DDX46: variants seen among roughly 807,000 people sequenced by gnomAD.
The protein encoded by DDX46 is DEAD-box helicase 46, also known as probable ATP-dependent RNA helicase DDX46.
DDX46 carries 30 observed loss-of-function variants against 134.9 expected under a neutral mutation model. That is an observed-to-expected ratio of 0.22 (90% CI 0.17 to 0.30). The LOEUF is 0.30. Among genes scored for constraint, DDX46 ranks in the 10% least tolerant of loss-of-function variants. The pLI, the probability that DDX46 is intolerant of heterozygous loss-of-function variation, is 1.00. For synonymous variants in DDX46, 415 were observed against 404.1 expected, an observed-to-expected ratio of 1.03 and a Z score of -0.32; for missense variants, 622 against 1,248.7, an observed-to-expected ratio of 0.50 and a Z score of 7.56.
At chr5:134,796,301 T>G (rs1754651460) in intron 15 of DDX46, 151 bp downstream of exon 15, 11 of 822,974 alleles carry the variant, frequency 1.3e-5, no homozygotes, top group Non-Finnish European at 2.0e-5. Context: ...GGAGTAAGAT[T>G]ATTATTGTCT....
At position 134,830,185 on chromosome 5, in the gene DDX46, GAA is replaced by G. The variant is rs1167572030; in HGVS notation, c.*1485_*1486del. The stretch of plus-strand genomic sequence containing the variant: ...TCAAAAATAGAAAAAAAAAAAAAAA[GAA>G]AAAAAGAATGTAAAATTTTAAAAAT... On this transcript the variant is annotated 3_prime_UTR_variant, in exon 23 of 23. Transcript: ENST00000452510. 1 of 138,392 alleles carries G rather than the reference GAA, an allele frequency of 7.2e-6. No individual in the cohort carries two copies. Among genetic ancestry groups the G allele is most frequent in the Non-Finnish European group, 1.6e-5 (1 of 63,128 alleles). The allele number at this position is 138,392 out of a possible 1,614,324, so 8.6% of individuals were successfully genotyped here.
At chr5:134,782,412 C>T (rs542167905) in intron 8 of DDX46, among the ~76,000 whole-genome samples, 8 of 151,916 alleles carry the variant, frequency 5.3e-5, no homozygotes, top group Non-Finnish European at 8.8e-5. Flanking sequence ...GAGGCCAAGG[C>T]GGGCAGATCA....
chr5:134,770,976 G>A lies in DDX46; in HGVS notation c.424G>A (p.Asp142Asn). ...GAAAAAAGACAAAGATGACAAGGAG[G>A]ATGAAAAAGAAAAAGATGCTGGCGT... ...EKKKDKDDKE[D>N]EKEKDAGNFD... Residue 142 changes from aspartate (D) to asparagine (N), a missense_variant, in exon 4 of 23, where the codon GAT (aspartate) becomes AAT (asparagine). This residue lies in a region of DDX46 where 244 missense variants were observed against 349.3 expected (regional missense o/e 0.70). Transcript: ENST00000452510. 1.4e-6 allele frequency: 2 copies of A among 1,442,972 alleles called. No homozygotes were observed. The highest frequency in any genetic ancestry group is 3.6e-4 in the Middle Eastern group (2 of 5,618). The allele number at this position is 1,442,972 out of a possible 1,614,324, so 89.4% of individuals were successfully genotyped here.
intron 16 of DDX46, among the ~76,000 whole-genome samples, chr5:134,809,265 G>GTA (rs767084207): frequency 8.1e-4 from 123 of 152,212 alleles, no homozygotes; most frequent in South Asian, 8.3e-4. Context: ...ATGTGTTATT[G>GTA]TATATATGTT....
At chr5:134,827,793 GC>G (rs1755630295) in intron 22 of DDX46, among the ~76,000 whole-genome samples, 1 of 152,048 alleles carries the variant, frequency 6.6e-6, no homozygotes, top group Admixed American at 6.6e-5. Context: ...GGATTTGGGG[GC>G]TATTCTTATT....
chr5:134,805,729 C>T (rs1754967000), intron 15 of DDX46, among the ~76,000 whole-genome samples: 1 of 150,524 alleles, frequency 6.6e-6, no homozygotes, highest in South Asian at 2.2e-4. Context: ...GACAGGGTTT[C>T]ACCATGTTGA....
intron 15 of DDX46, among the ~76,000 whole-genome samples, chr5:134,797,375 A>G (rs1311429969): frequency 1.3e-5 from 2 of 152,132 alleles, no homozygotes; most frequent in East Asian, 3.9e-4. Flanking sequence ...TTCATGCTGT[A>G]TGTGCTGGGA....
intron 17 of DDX46, 141 bp from the exon 18 acceptor site, chr5:134,811,555 A>C (rs1388236724): frequency 2.7e-6 from 3 of 1,128,280 alleles, no homozygotes; most frequent in Non-Finnish European, 3.7e-6. Flanking sequence ...GTCTATGTAG[A>C]GCTCTTAGTT....
intron 14 of DDX46, 121 bp from the exon 15 acceptor site, chr5:134,795,867 C>T: frequency 4.4e-6 from 4 of 907,620 alleles, no homozygotes; most frequent in Non-Finnish European, 6.5e-6. Flanking sequence ...ATCTTCCTAG[C>T]CCTTGGTAAA....
At chr5:134,784,769 C>A (rs1754278930) in intron 10 of DDX46, 3 of 280,562 alleles carry the variant, frequency 1.1e-5, no homozygotes, top group African/African-American at 2.2e-5. Flanking sequence ...TCTCCTGGCA[C>A]AGCTCAGTTT....
Position 134,812,059 on chromosome 5 carries a change from CTT to C in DDX46, c.2436+235_2436+236del, listed in dbSNP as rs767502728. On this transcript the variant is annotated intron_variant, in intron 18 of 22. Coordinates refer to ENST00000452510, the MANE Select transcript of DDX46 (RefSeq NM_001300860.2). Reference sequence around the variant, plus strand: ...AGCACTTCAAAGGATGTGAAAAGTCCTTTTTTTTTTTTTTTTTTTTTTGCGAT... The same window carrying C: ...AGCACTTCAAAGGATGTGAAAAGTCCTTTTTTTTTTTTTTTTTTTTGCGAT... Among the ~76,000 whole-genome samples, 25 of 99,046 alleles carry C rather than the reference CTT, an allele frequency of 2.5e-4. No individual in the cohort carries two copies. In the South Asian group the frequency reaches 7.4e-3, roughly 29 times the overall value. The allele number at this position is 99,046 out of a possible 152,430, so 65.0% of individuals were successfully genotyped here. A position where few individuals can be genotyped will look rare whatever the true frequency, so the allele number is the denominator to read the frequency against.
intron 10 of DDX46, among the ~76,000 whole-genome samples, chr5:134,785,069 T>C (rs903267298): frequency 4.8e-4 from 73 of 152,208 alleles, no homozygotes; most frequent in African/African-American, 1.6e-3. Context: ...CGGGGCATAG[T>C]ATATCTCTCC....
intron 3 of DDX46, among the ~76,000 whole-genome samples, chr5:134,767,838 T>C (rs1753624898): frequency 6.6e-6 from 1 of 151,388 alleles, no homozygotes; most frequent in African/African-American, 2.4e-5. Flanking sequence ...TAATCCCAGC[T>C]ACTCTGGAGG....
In DDX46 at chr5:134,811,263, G is replaced by A. The variant is rs150067181; in HGVS notation, c.2191G>A (p.Ala731Thr). Residue 731 changes from alanine (A) to threonine (T), a missense_variant, in exon 17 of 23, where the codon GCT (alanine) becomes ACT (threonine). Around this residue, in one of 8 missense-constraint regions of DDX46, gnomAD observed 209 missense variants for 508.4 expected, o/e 0.41. Transcript: ENST00000452510. ...TATCACAGAGGATCAAGCTCGCTAT[G>A]CTGGTGACATAATTAAAGCTCTTGA... ...TFITEDQARYAGDIIKALELS... is the reference protein window; with the variant it reads ...TFITEDQARYTGDIIKALELS... 6.2e-7 allele frequency: 1 copy of A among 1,613,924 alleles called. No homozygotes were observed. Among genetic ancestry groups the A allele is most frequent in the African/African-American group, 1.3e-5 (1 of 74,922 alleles).
At chr5:134,780,574 A>C (rs1477656058) in intron 6 of DDX46, among the ~76,000 whole-genome samples, 1 of 146,370 alleles carries the variant, frequency 6.8e-6, no homozygotes, top group Non-Finnish European at 1.5e-5. Context: ...CAATAAATAA[A>C]TAAATAAATA....
At chr5:134,760,773 A>C (rs1753353762) in intron 1 of DDX46, among the ~76,000 whole-genome samples, 1 of 152,150 alleles carries the variant, frequency 6.6e-6, no homozygotes. Flanking sequence ...CTCTTTCGCC[A>C]GGCTGGAGTG....
intron 4 of DDX46, 107 bp from the exon 5 acceptor site, chr5:134,773,589 T>C (rs903953830): frequency 6.1e-6 from 8 of 1,321,434 alleles, no homozygotes; most frequent in African/African-American, 4.5e-5. Flanking sequence ...TTTTTCCCCT[T>C]CTTTATACTT....
At chr5:134,780,055 T>G (rs1754084477) in intron 6 of DDX46, among the ~76,000 whole-genome samples, 1 of 151,556 alleles carries the variant, frequency 6.6e-6, no homozygotes, top group African/African-American at 2.4e-5. Context: ...ACCACTGTAC[T>G]CTAGCCTGGG....
chr5:134,817,039 C>T (rs1292628341), intron 19 of DDX46: 1 of 175,806 alleles, frequency 5.7e-6, no homozygotes, highest in Non-Finnish European at 1.2e-5. Context: ...TTCTTGGAAG[C>T]TTACTTGTTA....
Sources: allele counts gnomAD v4.1 joint callset (sites outside exome capture counted in the v4.1 genomes callset), GRCh38; gene constraint gnomAD v4.1.1; regional missense constraint gnomAD v4.1.1; transcripts MANE v1.5; gene names NCBI Gene and HGNC (gene_info 2026-07-23, HGNC 2026-07-21).